The following DPH6 variants were observed in gnomAD, a reference collection of about 807,000 sequenced individuals.
DPH6 encodes diphthine--ammonia ligase.
In DPH6, 33 loss-of-function variants were observed where a neutral mutation model predicts 38.2. The ratio of observed to expected loss-of-function variants is 0.86; its 90% CI spans 0.65 to 1.15. DPH6 has a LOEUF of 1.15. Among genes scored for constraint, DPH6 ranks in the 50% most tolerant of loss-of-function variants. The pLI, the probability that DPH6 is intolerant of heterozygous loss-of-function variation, is 0.00. For synonymous variants in DPH6, 108 were observed against 103.0 expected (o/e 1.05, Z -0.30); for missense variants, 325 against 320.0 (o/e 1.02, Z -0.12).
chr15:35,459,885 T>C (rs993554209), intron 3 of DPH6, among the ~76,000 whole-genome samples: 1 of 152,200 alleles, frequency 6.6e-6, no homozygotes, highest in African/African-American at 2.4e-5. Flanking sequence ...AGGTACTTTG[T>C]TTATCTTATT....
intron 3 of DPH6, among the ~76,000 whole-genome samples, chr15:35,221,639 T>C (rs2051442785): frequency 1.3e-5 from 2 of 152,208 alleles, no homozygotes; most frequent in South Asian, 4.1e-4. Context: ...TAAATGCCTT[T>C]GGGTTGTTCT....
chr15:35,147,499 C>T, the DPH6 span, among the ~76,000 whole-genome samples: 1 of 152,048 alleles, frequency 6.6e-6, no homozygotes, highest in Non-Finnish European at 1.5e-5. Flanking sequence ...GAAGCAGTGA[C>T]AAAGGAGTCA....
chr15:35,243,788 T>C (rs1268369552), intron 3 of DPH6, among the ~76,000 whole-genome samples: 1 of 152,182 alleles, frequency 6.6e-6, no homozygotes, highest in Non-Finnish European at 1.5e-5. Context: ...ACAGCCATGT[T>C]GCTCACACAA....
intron 3 of DPH6, among the ~76,000 whole-genome samples, chr15:35,346,264 G>A (rs1477867803): frequency 6.6e-6 from 1 of 151,962 alleles, no homozygotes. Context: ...TAAAATGCTT[G>A]GTAAAATGTG....
downstream of DPH6, among the ~76,000 whole-genome samples, chr15:35,326,470 T>C (rs1254199229): frequency 1.3e-5 from 2 of 152,114 alleles, no homozygotes; most frequent in Non-Finnish European, 2.9e-5. Flanking sequence ...GGTCTTTCTG[T>C]TGCCTGGGCT....
chr15:35,536,122 C>T (rs1223546218), intron 3 of DPH6, among the ~76,000 whole-genome samples: 1 of 151,810 alleles, frequency 6.6e-6, no homozygotes, highest in Non-Finnish European at 1.5e-5. Flanking sequence ...CAAGTAAAGA[C>T]AAACTTGAAA....
intron 3 of DPH6, among the ~76,000 whole-genome samples, chr15:35,493,327 G>C (rs752357090): frequency 2.6e-5 from 4 of 152,162 alleles, no homozygotes; most frequent in Non-Finnish European, 5.9e-5. Flanking sequence ...TTGATGGTTA[G>C]ATTCCGTAGG....
At chr15:35,324,527 C>T (rs201868924) in intron 3 of DPH6, among the ~76,000 whole-genome samples, 4 of 149,596 alleles carry the variant, frequency 2.7e-5, no homozygotes, top group Admixed American at 1.3e-4. Context: ...AGTTCGCTTA[C>T]GACTTCTAAC....
At chr15:35,474,940 G>T (rs2054246306) in intron 3 of DPH6, among the ~76,000 whole-genome samples, 1 of 151,056 alleles carries the variant, frequency 6.6e-6, no homozygotes, top group Non-Finnish European at 1.5e-5. Context: ...AAAAAACTTG[G>T]ATACAATCAC....
At chr15:35,181,353 T>C in the DPH6 span, among the ~76,000 whole-genome samples, 1 of 151,862 alleles carries the variant, frequency 6.6e-6, no homozygotes, top group South Asian at 2.1e-4. Flanking sequence ...TTTGTTTTAG[T>C]TAAGGTATTC....
chr15:35,540,627 TATTCTA>T (rs2055238485), intron 2 of DPH6, among the ~76,000 whole-genome samples: 1 of 152,238 alleles, frequency 6.6e-6, no homozygotes, highest in Non-Finnish European at 1.5e-5. Flanking sequence ...TACTTCAGAA[TATTCTA>T]ATTCTATTTA....
chr15:35,466,611 A>G (rs891918584), intron 3 of DPH6, among the ~76,000 whole-genome samples: 3 of 152,182 alleles, frequency 2.0e-5, no homozygotes, highest in Admixed American at 6.5e-5. Flanking sequence ...TACAGTTGTA[A>G]GATATTTAAC....
chr15:35,411,282 C>G (rs1216287115), intron 5 of DPH6, among the ~76,000 whole-genome samples: 4 of 151,552 alleles, frequency 2.6e-5, no homozygotes, highest in South Asian at 2.1e-4. Flanking sequence ...CATTAATTTT[C>G]TGATTTATCC....
intron 3 of DPH6, among the ~76,000 whole-genome samples, chr15:35,315,509 A>T (rs2052181329): frequency 1.3e-5 from 2 of 152,208 alleles, no homozygotes; most frequent in Non-Finnish European, 2.9e-5. Context: ...TCCCCGGTCC[A>T]AATGGTTTAT....
At chr15:35,293,358 A>G (rs2051992501) in intron 3 of DPH6, among the ~76,000 whole-genome samples, 1 of 152,228 alleles carries the variant, frequency 6.6e-6, no homozygotes, top group Non-Finnish European at 1.5e-5. Flanking sequence ...CTTTAAAAAA[A>G]TAGGCTTATC....
chr15:35,450,865 A>G lies in DPH6; in HGVS notation c.387-62T>C. 12 of 1,294,568 alleles carry G rather than the reference A, an allele frequency of 9.3e-6. No homozygotes were observed. In the South Asian group the frequency reaches 1.4e-4, roughly 15 times the overall value. 80.2% of individuals were successfully genotyped at this position (1,294,568 alleles called of 1,614,324 possible). Reference sequence around the variant, plus strand: ...CTTAATGTTTTATACTTGGATCCACAGCAATTACTTTGATTTGAAACATAA... The same window carrying G: ...CTTAATGTTTTATACTTGGATCCACGGCAATTACTTTGATTTGAAACATAA... On this transcript the variant is annotated intron_variant, in intron 4 of 8. Coordinates refer to ENST00000256538, the MANE Select transcript of DPH6 (RefSeq NM_080650.4).
intron 6 of DPH6, among the ~76,000 whole-genome samples, chr15:35,402,903 ATAAT>A (rs1315150639): frequency 1.3e-5 from 2 of 152,094 alleles, no homozygotes; most frequent in Non-Finnish European, 1.5e-5. Context: ...AATATCTTAT[ATAAT>A]TATTTCATTA....
rs952774783 is a variant in DPH6, at chr15:35,529,403, C to T, written c.312+8871G>A. 5.3e-5 allele frequency among the ~76,000 whole-genome samples: 8 copies of T among 152,098 alleles called. No individual in the cohort carries two copies. The South Asian group carries it at 1.0e-3, about 20-fold the overall frequency. On this transcript the variant is annotated intron_variant, in intron 3 of 8. Transcript: ENST00000256538. ...TGAGAACAGCAAGGGGGAAGCCCAC[C>T]CCATGATTTGATCACCTCTCACCAG... is the stretch of plus-strand genomic sequence containing the variant.
intron 5 of DPH6, among the ~76,000 whole-genome samples, chr15:35,427,023 A>T (rs867887731): frequency 0.049 from 3,815 of 77,098 alleles, 159 homozygotes; most frequent in African/African-American, 0.24. Flanking sequence ...AAAAAAGATA[A>T]AAAAAAAGAC....
Sources: gnomAD v4.1 joint callset for allele counts (sites outside exome capture counted in the v4.1 genomes callset) on GRCh38, gnomAD v4.1.1 for gene constraint, MANE v1.5 for transcripts, NCBI Gene and HGNC (gene_info 2026-07-23, HGNC 2026-07-21) for gene names.